SMAD3: variants seen among roughly 807,000 people sequenced by gnomAD.
SMAD3 encodes the protein SMAD family member 3.
In SMAD3, 12 loss-of-function variants were observed where a neutral mutation model predicts 51.8. The observed-to-expected ratio is 0.23, with a 90% CI of 0.15 to 0.38. The LOEUF (loss-of-function observed/expected upper bound fraction) is 0.38. Ranked by LOEUF, SMAD3 falls within the 10% of genes least tolerant of loss-of-function variation. The pLI is 1.00. For missense variants in SMAD3, 294 were observed against 565.6 expected (o/e 0.52, Z 4.87); for synonymous variants, 238 against 227.7 (o/e 1.05, Z -0.41).
intron 1 of SMAD3, among the ~76,000 whole-genome samples, chr15:67,106,885 C>CAT (rs983189604): frequency 8.5e-5 from 13 of 152,262 alleles, no homozygotes; most frequent in African/African-American, 3.1e-4. Flanking sequence ...GTGGTAATGG[C>CAT]ATAGTATTTA....
intron 1 of SMAD3, among the ~76,000 whole-genome samples, chr15:67,069,592 C>T (rs1240411167): frequency 1.3e-5 from 2 of 152,106 alleles, no homozygotes; most frequent in Non-Finnish European, 2.9e-5. Context: ...TAAAGCATTG[C>T]TTGTTTGGAA....
intron 1 of SMAD3, among the ~76,000 whole-genome samples, chr15:67,139,324 G>C (rs1159096281): frequency 6.6e-6 from 1 of 152,066 alleles, no homozygotes; most frequent in Admixed American, 6.5e-5. Flanking sequence ...ATGTCAAGAC[G>C]GCAATATTAG....
chr15:67,150,519 G>A (rs1010621645), intron 1 of SMAD3, among the ~76,000 whole-genome samples: 1 of 152,138 alleles, frequency 6.6e-6, no homozygotes, highest in Non-Finnish European at 1.5e-5. Context: ...ACCCCCAAGC[G>A]TGCAGTCTGC....
chr15:67,178,209 C>T (rs1200091811), intron 5 of SMAD3, among the ~76,000 whole-genome samples: 3 of 152,140 alleles, frequency 2.0e-5, no homozygotes, highest in Non-Finnish European at 4.4e-5. Flanking sequence ...TTCTGAGGGT[C>T]CTTGAAGCCC....
At chr15:67,148,384 C>T (rs1471918794) in intron 1 of SMAD3, among the ~76,000 whole-genome samples, 2 of 152,334 alleles carry the variant, frequency 1.3e-5, no homozygotes, top group East Asian at 3.9e-4. Context: ...GCTTTCTCCT[C>T]TATTAAATCC....
chr15:67,086,104 A>AG (rs1188066244), intron 1 of SMAD3, among the ~76,000 whole-genome samples: 2 of 146,492 alleles, frequency 1.4e-5, no homozygotes, highest in Non-Finnish European at 1.5e-5. Context: ...GGGGTGGTGC[A>AG]GGGGGGTGGA....
At chr15:67,081,490 A>G (rs1323213923) in intron 1 of SMAD3, among the ~76,000 whole-genome samples, 2 of 152,116 alleles carry the variant, frequency 1.3e-5, no homozygotes, top group African/African-American at 4.8e-5. Context: ...GCATTGCTGT[A>G]TCAGGATGCT....
intron 1 of SMAD3, among the ~76,000 whole-genome samples, chr15:67,133,398 T>C (rs1009674393): frequency 3.3e-5 from 5 of 152,040 alleles, no homozygotes; most frequent in Non-Finnish European, 7.4e-5. Context: ...TTTTTTTTTT[T>C]CTAGAAAAAC....
Position 67,190,686 on chromosome 15 carries a change from AC to A in SMAD3, c.*151del. ...GGGGTGCACCCACCTGTTTTCTGAA[AC>A]ACACGAGCAAACCCAGAGGTGGATG... On this transcript the variant is annotated 3_prime_UTR_variant, in exon 9 of 9. Coordinates refer to ENST00000327367, the MANE Select transcript of SMAD3 (RefSeq NM_005902.4). 1 of 769,866 alleles carries A rather than the reference AC, an allele frequency of 1.3e-6. No individual in the cohort carries two copies. 47.7% of individuals were successfully genotyped at this position (769,866 alleles called of 1,614,324 possible).
intron 1 of SMAD3, among the ~76,000 whole-genome samples, chr15:67,087,131 G>A (rs925822600): frequency 6.6e-6 from 1 of 152,022 alleles, no homozygotes; most frequent in Non-Finnish European, 1.5e-5. Flanking sequence ...CAGGTGATCT[G>A]CCCACCTCAG....
At chr15:67,141,925 G>A (rs1961835277) in intron 1 of SMAD3, among the ~76,000 whole-genome samples, 1 of 152,128 alleles carries the variant, frequency 6.6e-6, no homozygotes, top group African/African-American at 2.4e-5. Flanking sequence ...GGGGAATAAA[G>A]GCTTCTCTAA....
chr15:67,148,867 G>T (rs1038107075), intron 1 of SMAD3, among the ~76,000 whole-genome samples: 1 of 152,218 alleles, frequency 6.6e-6, no homozygotes, highest in African/African-American at 2.4e-5. Flanking sequence ...CTGAGCAAAT[G>T]TGACCTGCAA....
At chr15:67,188,150 T>TTTC (rs1485535171) in intron 8 of SMAD3, among the ~76,000 whole-genome samples, 1 of 12,998 alleles carries the variant, frequency 7.7e-5, no homozygotes, top group Non-Finnish European at 3.3e-4. Context: ...TTCTTTTTCT[T>TTTC]TTTTTTTTTT....
At chr15:67,125,978 C>T (rs1375861062) in intron 1 of SMAD3, 6 of 985,340 alleles carry the variant, frequency 6.1e-6, no homozygotes, top group Middle Eastern at 5.2e-4. Flanking sequence ...TGAGCAACCA[C>T]GTTTGAGTAA....
At chr15:67,184,211 C>T (rs1182321816) in intron 6 of SMAD3, among the ~76,000 whole-genome samples, 1 of 151,424 alleles carries the variant, frequency 6.6e-6, no homozygotes, top group Non-Finnish European at 1.5e-5. Flanking sequence ...AAGCAATCCA[C>T]TCACCTCAGC....
At chr15:67,156,570 T>A (rs912587253) in intron 1 of SMAD3, among the ~76,000 whole-genome samples, 2 of 152,218 alleles carry the variant, frequency 1.3e-5, no homozygotes, top group African/African-American at 4.8e-5. Context: ...AATCCATGTA[T>A]GGAGATAATG....
intron 1 of SMAD3, among the ~76,000 whole-genome samples, chr15:67,155,790 AGCCTGGCCAAC>A (rs1355312360): frequency 6.6e-6 from 1 of 152,204 alleles, no homozygotes; most frequent in African/African-American, 2.4e-5. Context: ...GTTCAAGACC[AGCCTGGCCAAC>A]ACGGTGAAAC....
intron 1 of SMAD3, among the ~76,000 whole-genome samples, chr15:67,135,037 G>T (rs1234723769): frequency 1.3e-5 from 2 of 152,186 alleles, no homozygotes; most frequent in Non-Finnish European, 2.9e-5. Context: ...AGTGGAAGCA[G>T]GGGTGTCACT....
At chr15:67,084,666 A>G (rs1451828726) in intron 1 of SMAD3, among the ~76,000 whole-genome samples, 1 of 152,162 alleles carries the variant, frequency 6.6e-6, no homozygotes, top group Non-Finnish European at 1.5e-5. Flanking sequence ...CTCTGCCCTC[A>G]TGGAGCGTCC....
Sources: gnomAD v4.1 joint callset for allele counts (sites outside exome capture counted in the v4.1 genomes callset) on GRCh38, gnomAD v4.1.1 for gene constraint, MANE v1.5 for transcripts, NCBI Gene and HGNC (gene_info 2026-07-23, HGNC 2026-07-21) for gene names.